The following WWOX variants were observed in gnomAD, a reference collection of about 807,000 sequenced individuals.
The protein encoded by WWOX is WW domain-containing oxidoreductase.
A neutral mutation model predicts 46.2 loss-of-function variants in WWOX; 69 were observed. The observed-to-expected ratio is 1.49, with a 90% confidence interval of 1.23 to 1.82. The LOEUF (loss-of-function observed/expected upper bound fraction) is 1.82, where lower values mean the gene tolerates loss of function less well. WWOX is among the 40% of genes most tolerant of loss of function. The probability of loss-of-function intolerance (pLI) is 0.00; values close to 1 mark genes in which losing one functional copy is unlikely to be tolerated. For missense variants in WWOX, 919 were observed against 542.6 expected (o/e 1.69, Z -6.89); for synonymous variants, 359 against 202.6 (o/e 1.77, Z -6.56).
intron 8 of WWOX, among the ~76,000 whole-genome samples, chr16:78,515,600 T>G (rs1034745824): frequency 1.3e-5 from 2 of 152,222 alleles, no homozygotes; most frequent in African/African-American, 4.8e-5. Flanking sequence ...GCTATCTCTG[T>G]GCAGAGCCAG....
chr16:78,315,700 C>G (rs930296769), intron 5 of WWOX, among the ~76,000 whole-genome samples: 1 of 152,088 alleles, frequency 6.6e-6, no homozygotes, highest in Non-Finnish European at 1.5e-5. Context: ...GGAAAACAAT[C>G]ATTTCTTGTG....
chr16:78,644,474 TTTTTGAGACAGAG>T (rs1043017023), intron 8 of WWOX, among the ~76,000 whole-genome samples: 4 of 152,104 alleles, frequency 2.6e-5, no homozygotes, highest in African/African-American at 9.7e-5. Flanking sequence ...TTTTTTTTTC[TTTTTGAGACAGAG>T]TTTTGCTCTT....
chr16:79,039,046 C>T lies in WWOX; in HGVS notation c.1057-172562C>T, dbSNP rs142610536. 5.2e-3 allele frequency among the ~76,000 whole-genome samples: 798 copies of T among 152,038 alleles called. 8 individuals are homozygous for T. The highest frequency in any genetic ancestry group is 9.2e-3 in the Non-Finnish European group (627 of 67,998). ...ATTCATATGACTTAGTGTTAAACCT[C>T]TACGTTGGGATTCTTAAATTTAACA... On this transcript the variant is annotated intron_variant, in intron 8 of 8. Coordinates refer to ENST00000566780, the MANE Select transcript of WWOX (RefSeq NM_016373.4).
chr16:78,507,997 CGTGTGTGTGTGT>C (rs959701013), intron 8 of WWOX, among the ~76,000 whole-genome samples: 4 of 30,958 alleles, frequency 1.3e-4, no homozygotes, highest in African/African-American at 1.7e-4. Context: ...TGGTTGCGTG[CGTGTGTGTGTGT>C]GTGTGTGTGT....
At chr16:78,415,509 C>G (rs1346878673) in intron 6 of WWOX, among the ~76,000 whole-genome samples, 1 of 152,146 alleles carries the variant, frequency 6.6e-6, no homozygotes, top group Admixed American at 6.5e-5. Context: ...TTATTTTACC[C>G]AGCCCCTATT....
At position 78,997,851 on chromosome 16, in the gene WWOX, T is replaced by C. The variant is rs2047020091; in HGVS notation, c.1057-213757T>C. Among the ~76,000 whole-genome samples, 4 of 152,298 alleles carry C rather than the reference T, an allele frequency of 2.6e-5. No homozygotes were observed. The South Asian group carries it at 8.3e-4, about 32-fold the overall frequency. On this transcript the variant is annotated intron_variant, in intron 8 of 8. Coordinates refer to ENST00000566780, the MANE Select transcript of WWOX (RefSeq NM_016373.4). Reference sequence around the variant, plus strand: ...GCCTTCCCGGGAATTTCTGAATGTTTTGCAGCCTAATGTTTAGCTTCCAAC... The same window carrying C: ...GCCTTCCCGGGAATTTCTGAATGTTCTGCAGCCTAATGTTTAGCTTCCAAC...
chr16:78,688,245 G>A (rs931435950), intron 8 of WWOX, among the ~76,000 whole-genome samples: 1 of 151,734 alleles, frequency 6.6e-6, no homozygotes, highest in Non-Finnish European at 1.5e-5. Context: ...TATTTAAGTT[G>A]TAGAAAGCTT....
intron 5 of WWOX, among the ~76,000 whole-genome samples, chr16:78,170,641 A>G (rs2035126895): frequency 6.6e-6 from 1 of 152,150 alleles, no homozygotes; most frequent in South Asian, 2.1e-4. Flanking sequence ...GTTGATTAGT[A>G]TTTTCCAGTG....
At chr16:78,944,773 G>C (rs951666476) in intron 8 of WWOX, among the ~76,000 whole-genome samples, 1 of 152,170 alleles carries the variant, frequency 6.6e-6, no homozygotes, top group South Asian at 2.1e-4. Context: ...ATCTAAGTAA[G>C]TGAGCATGGC....
chr16:78,541,968 G>A (rs531224426), intron 8 of WWOX, among the ~76,000 whole-genome samples: 2 of 128,744 alleles, frequency 1.6e-5, no homozygotes, highest in Non-Finnish European at 3.1e-5. Context: ...GCATGGATTG[G>A]TGTCATGTTT....
At chr16:78,112,709 T>A (rs1223758120) in intron 3 of WWOX, among the ~76,000 whole-genome samples, 3 of 151,622 alleles carry the variant, frequency 2.0e-5, no homozygotes, top group Admixed American at 1.3e-4. Flanking sequence ...CTTTCTTTTT[T>A]TTTTTTTATA....
At chr16:78,826,913 C>T (rs181825692) in intron 8 of WWOX, among the ~76,000 whole-genome samples, 2 of 152,198 alleles carry the variant, frequency 1.3e-5, no homozygotes, top group African/African-American at 4.8e-5. Flanking sequence ...TCATTGATCA[C>T]ACACTACATG....
At chr16:78,621,847 T>C (rs963796731) in intron 8 of WWOX, among the ~76,000 whole-genome samples, 2 of 152,138 alleles carry the variant, frequency 1.3e-5, no homozygotes, top group South Asian at 2.1e-4. Flanking sequence ...CCTCATGATC[T>C]GCCTACCTTA....
intron 8 of WWOX, among the ~76,000 whole-genome samples, chr16:79,194,079 CTG>C (rs1288570181): frequency 4.0e-5 from 6 of 151,844 alleles, no homozygotes; most frequent in African/African-American, 1.2e-4. Flanking sequence ...GTGTGTGTGT[CTG>C]TGTGTGTGTA....
intron 8 of WWOX, among the ~76,000 whole-genome samples, chr16:78,953,085 C>T (rs140080856): frequency 7.1e-4 from 107 of 151,692 alleles, no homozygotes; most frequent in African/African-American, 2.5e-3. Flanking sequence ...GACCATATAC[C>T]AACCAAATTG....
At chr16:78,594,832 A>C (rs2045448596) in intron 8 of WWOX, among the ~76,000 whole-genome samples, 1 of 152,226 alleles carries the variant, frequency 6.6e-6, no homozygotes, top group Admixed American at 6.5e-5. Context: ...AAGCAATTTC[A>C]TTTTCATAGT....
chr16:78,498,007 C>T (rs2667593), intron 8 of WWOX, among the ~76,000 whole-genome samples: 112,875 of 151,212 alleles, frequency 0.75, 44,407 homozygotes, highest in Admixed American at 0.87. Context: ...TCGAGACCAT[C>T]CTGGCTAACA....
chr16:78,358,745 T>C (rs978882465), intron 5 of WWOX, among the ~76,000 whole-genome samples: 1 of 151,896 alleles, frequency 6.6e-6, no homozygotes, highest in Non-Finnish European at 1.5e-5. Flanking sequence ...ATGAGTTGAA[T>C]ATATACAAAT....
At chr16:78,828,854 C>T (rs937745701) in intron 8 of WWOX, among the ~76,000 whole-genome samples, 2 of 152,168 alleles carry the variant, frequency 1.3e-5, no homozygotes, top group African/African-American at 4.8e-5. Flanking sequence ...TTTTGAGCAG[C>T]ATTTTCTGCA....
Sources: gnomAD v4.1 joint callset for allele counts (sites outside exome capture counted in the v4.1 genomes callset) on GRCh38, gnomAD v4.1.1 for gene constraint, MANE v1.5 for transcripts, NCBI Gene and HGNC (gene_info 2026-07-23, HGNC 2026-07-21) for gene names.